Variants in ZNF143 observed in about 807,000 individuals in gnomAD.
The protein encoded by ZNF143 is zinc finger protein 143.
In ZNF143, 49 loss-of-function variants were observed where a neutral mutation model predicts 74.1. The observed-to-expected ratio is 0.66, with a 90% CI of 0.53 to 0.84. The LOEUF is 0.84. Ranked by LOEUF, ZNF143 falls within the 40% of genes least tolerant of loss-of-function variation. The probability of loss-of-function intolerance (pLI) is 0.00; values close to 1 mark genes in which losing one functional copy is unlikely to be tolerated. For synonymous variants in ZNF143, 304 were observed against 282.8 expected, an observed-to-expected ratio of 1.07 and a Z score of -0.75; for missense variants, 637 against 793.4, an observed-to-expected ratio of 0.80 and a Z score of 2.37.
chr11:9,492,772 A>G (rs922781788), intron 7 of ZNF143, among the ~76,000 whole-genome samples: 2 of 152,220 alleles, frequency 1.3e-5, no homozygotes, highest in African/African-American at 2.4e-5. Flanking sequence ...ATGAAGGCAT[A>G]TAAGACACAG....
At chr11:9,470,134 T>C (rs1856485666) in intron 1 of ZNF143, among the ~76,000 whole-genome samples, 1 of 152,214 alleles carries the variant, frequency 6.6e-6, no homozygotes, top group Non-Finnish European at 1.5e-5. Flanking sequence ...AGATAAGCCA[T>C]GGTCCACAGA....
At chr11:9,471,742 G>A (rs565171988) in intron 2 of ZNF143, among the ~76,000 whole-genome samples, 2 of 151,914 alleles carry the variant, frequency 1.3e-5, no homozygotes, top group Admixed American at 6.6e-5. Flanking sequence ...AGTAGAGACG[G>A]GGTTTCACCA....
intron 1 of ZNF143, among the ~76,000 whole-genome samples, chr11:9,467,331 G>C (rs1856298255): frequency 6.6e-6 from 1 of 151,430 alleles, no homozygotes; most frequent in Admixed American, 6.6e-5. Context: ...CACCCTCCGG[G>C]TTCAAGTGAT....
chr11:9,469,599 G>A (rs1856454570), intron 1 of ZNF143, among the ~76,000 whole-genome samples: 1 of 152,098 alleles, frequency 6.6e-6, no homozygotes, highest in Admixed American at 6.6e-5. Flanking sequence ...GAGGTGCCAA[G>A]GAAATGACGT....
rs569695036 is a variant in ZNF143, at chr11:9,465,720, T to C, written c.-8+4644T>C. ...AGAGACGGGGTTTCACCTGACCTCA[T>C]AATCTGCCCGTCTTGGCCTCCCAAA... On this transcript the variant is annotated intron_variant, in intron 1 of 15. Transcript: ENST00000396602. Among the ~76,000 whole-genome samples, 3 of 151,404 alleles carry C rather than the reference T, an allele frequency of 2.0e-5. No individual in the cohort carries two copies. The East Asian group carries it at 5.8e-4, about 29-fold the overall frequency.
intron 12 of ZNF143, among the ~76,000 whole-genome samples, chr11:9,509,886 A>C (rs1185553102): frequency 6.6e-6 from 1 of 151,814 alleles, no homozygotes. Flanking sequence ...AGGAGGAATA[A>C]GTTCTGGAGA....
chr11:9,488,276 A>G (rs1847638323), intron 7 of ZNF143, among the ~76,000 whole-genome samples: 1 of 152,246 alleles, frequency 6.6e-6, no homozygotes, highest in South Asian at 2.1e-4. Context: ...TTAACTAATT[A>G]GAATAAAACA....
At chr11:9,494,544 C>T in intron 7 of ZNF143, 102 bp from the exon 8 acceptor site, 1 of 1,208,594 alleles carries the variant, frequency 8.3e-7, no homozygotes, top group Non-Finnish European at 1.2e-6. Flanking sequence ...CTCCTGGGCT[C>T]AAATGATCCG....
Position 9,497,762 on chromosome 11 carries a change from C to T in ZNF143, c.929C>T (p.Thr310Ile). ...GATAATTGTACTAAATCTTTCAAAA[C>T]TTCAGGAGATCTACAGAAACACATC... ...SEDNCTKSFKTSGDLQKHIRT... is the reference protein window; with the variant it reads ...SEDNCTKSFKISGDLQKHIRT... Residue 310 changes from threonine (T) to isoleucine (I), a missense_variant, in exon 10 of 16, where the codon ACT becomes ATT. Coordinates refer to ENST00000396602, the MANE Select transcript of ZNF143 (RefSeq NM_003442.6). The T allele has an allele frequency of 6.2e-7, 1 of 1,605,140 alleles. No homozygotes were observed. The highest frequency in any genetic ancestry group is 1.3e-5 in the African/African-American group (1 of 74,360).
At chr11:9,517,905 T>A (rs1341888865) in intron 14 of ZNF143, among the ~76,000 whole-genome samples, 1 of 152,176 alleles carries the variant, frequency 6.6e-6, no homozygotes. Flanking sequence ...AAATTAATTC[T>A]GCTCACCAAA....
In ZNF143 at chr11:9,482,608, A is replaced by G. The variant is rs368687755; in HGVS notation, c.645+3062A>G. On this transcript the variant is annotated intron_variant, in intron 7 of 15. Coordinates refer to ENST00000396602, the MANE Select transcript of ZNF143 (RefSeq NM_003442.6). ...ACTCTTTATCTGTAGACATATTACCATTTGGTATTGGTACCAGTAGACAAA... is the reference window on the plus strand; with the variant it reads ...ACTCTTTATCTGTAGACATATTACCGTTTGGTATTGGTACCAGTAGACAAA... Among the ~76,000 whole-genome samples, 18 of 150,896 alleles carry G rather than the reference A, an allele frequency of 1.2e-4. No homozygotes were observed. The East Asian group carries it at 3.1e-3, about 26-fold the overall frequency.
At chr11:9,485,971 A>G (rs1417229434) in intron 7 of ZNF143, among the ~76,000 whole-genome samples, 4 of 151,296 alleles carry the variant, frequency 2.6e-5, no homozygotes, top group Admixed American at 2.6e-4. Flanking sequence ...TCTGCCAGTT[A>G]GGTTCCACTG....
At chr11:9,493,362 G>A (rs544994702) in intron 7 of ZNF143, among the ~76,000 whole-genome samples, 12 of 152,174 alleles carry the variant, frequency 7.9e-5, no homozygotes, top group East Asian at 1.9e-4. Context: ...GAGCCACTGC[G>A]CCTGGCCTAT....
chr11:9,475,740 T>A (rs1371680511), intron 5 of ZNF143, among the ~76,000 whole-genome samples: 1 of 151,878 alleles, frequency 6.6e-6, no homozygotes, highest in East Asian at 1.9e-4. Flanking sequence ...TACAAAAAAA[T>A]ACAAAAATTA....
chr11:9,490,897 T>G (rs756370569), intron 7 of ZNF143, among the ~76,000 whole-genome samples: 5 of 152,036 alleles, frequency 3.3e-5, no homozygotes, highest in Admixed American at 6.6e-5. Flanking sequence ...CACACTCAGC[T>G]ATTTTTTTAT....
intron 7 of ZNF143, among the ~76,000 whole-genome samples, chr11:9,481,224 C>CA (rs1295838570): frequency 1.3e-5 from 2 of 151,988 alleles, no homozygotes; most frequent in African/African-American, 4.8e-5. Context: ...TCCATCTCTA[C>CA]AAAAAATTAC....
At chr11:9,527,498 G>C (rs1340340876) in intron 15 of ZNF143, 32 bp from the exon 16 acceptor site, 1 of 1,601,798 alleles carries the variant, frequency 6.2e-7, no homozygotes, top group Non-Finnish European at 8.5e-7. Flanking sequence ...CTTTTGAATT[G>C]TTAGCGTTTG....
chr11:9,487,741 T>C (rs1007708576), intron 7 of ZNF143, among the ~76,000 whole-genome samples: 1 of 152,232 alleles, frequency 6.6e-6, no homozygotes, highest in East Asian at 1.9e-4. Flanking sequence ...AGAAGCTGAT[T>C]AGTATTTCAC....
chr11:9,486,837 T>G (rs1847575106), intron 7 of ZNF143, among the ~76,000 whole-genome samples: 1 of 138,958 alleles, frequency 7.2e-6, no homozygotes, highest in Non-Finnish European at 1.5e-5. Flanking sequence ...CCTGGCTAAT[T>G]TTTTGTATTT....
Sources: allele counts gnomAD v4.1 joint callset (sites outside exome capture counted in the v4.1 genomes callset), GRCh38; gene constraint gnomAD v4.1.1; transcripts MANE v1.5; gene names NCBI Gene and HGNC (gene_info 2026-07-23, HGNC 2026-07-21).